The following RAB27B variants were observed in gnomAD, a reference collection of about 807,000 sequenced individuals.
The protein encoded by RAB27B is ras-related protein Rab-27B.
RAB27B carries 15 observed loss-of-function variants against 24.6 expected under a neutral mutation model. The ratio of observed to expected loss-of-function variants is 0.61; its 90% CI spans 0.41 to 0.94. The LOEUF (loss-of-function observed/expected upper bound fraction) is 0.94. Among genes scored for constraint, RAB27B ranks in the 40% least tolerant of loss-of-function variants. The pLI, the probability that RAB27B is intolerant of heterozygous loss-of-function variation, is 0.00. For synonymous variants in RAB27B, 105 were observed against 92.5 expected, an observed-to-expected ratio of 1.14 and a Z score of -0.78; for missense variants, 261 against 266.8, an observed-to-expected ratio of 0.98 and a Z score of 0.15.
intron 1 of RAB27B, among the ~76,000 whole-genome samples, chr18:54,847,862 A>G (rs1004548356): frequency 8.5e-5 from 13 of 152,232 alleles, no homozygotes; most frequent in African/African-American, 2.9e-4. Context: ...AAAGAAAAAA[A>G]AAACTTCAGC....
At chr18:54,804,902 C>CTT (rs1444680181) in intron 2 of RAB27B, among the ~76,000 whole-genome samples, 3 of 23,518 alleles carry the variant, frequency 1.3e-4, no homozygotes, top group African/African-American at 2.4e-4. Flanking sequence ...CTCTTTCTCT[C>CTT]TCTCTTTCTT....
chr18:54,750,704 A>G (rs1907805190), intron 2 of RAB27B, among the ~76,000 whole-genome samples: 1 of 152,210 alleles, frequency 6.6e-6, no homozygotes, highest in Non-Finnish European at 1.5e-5. Context: ...ACCGAATTCA[A>G]GACACTCAGG....
chr18:54,814,517 G>A (rs750430447), intron 2 of RAB27B, among the ~76,000 whole-genome samples: 8 of 152,128 alleles, frequency 5.3e-5, no homozygotes, highest in South Asian at 2.1e-4. Flanking sequence ...TGATCCCACT[G>A]TATCTGAGTA....
chr18:54,813,723 C>T lies in RAB27B; in HGVS notation c.-19-63844C>T, dbSNP rs1910037910. The stretch of plus-strand genomic sequence containing the variant: ...TTACCCAGTCTCTGGTATTCGTTTA[C>T]AGCAACATAAACAGACTAACACAGG... On this transcript the variant is annotated intron_variant, in intron 2 of 4. Coordinates refer to the RAB27B transcript ENST00000586570. Among the ~76,000 whole-genome samples, 3 of 152,172 alleles carry T rather than the reference C, an allele frequency of 2.0e-5. No homozygotes were observed. In the South Asian group the frequency reaches 6.2e-4, roughly 32 times the overall value.
At chr18:54,723,734 G>A (rs1909435781) in intron 2 of RAB27B, among the ~76,000 whole-genome samples, 1 of 152,270 alleles carries the variant, frequency 6.6e-6, no homozygotes, top group Non-Finnish European at 1.5e-5. Context: ...TTCAAGGTAT[G>A]CATCTAGCAG....
At chr18:54,879,729 G>C (rs184951192) in intron 3 of RAB27B, 1 of 301,640 alleles carries the variant, frequency 3.3e-6, no homozygotes, top group African/African-American at 2.1e-5. Flanking sequence ...AGGAAAAAAA[G>C]GTTCTCCAGA....
chr18:54,735,529 A>AC (rs774414572), intron 2 of RAB27B, among the ~76,000 whole-genome samples: 7 of 151,650 alleles, frequency 4.6e-5, no homozygotes, highest in Non-Finnish European at 8.8e-5. Flanking sequence ...TTTTTCTGAC[A>AC]CTTTTTTTTT....
chr18:54,814,760 T>A (rs1015651751), intron 2 of RAB27B, among the ~76,000 whole-genome samples: 2 of 152,226 alleles, frequency 1.3e-5, no homozygotes, highest in Non-Finnish European at 2.9e-5. Context: ...TGAATAGATA[T>A]ATTTCAACAT....
chr18:54,763,232 C>G (rs1051772589), intron 2 of RAB27B, among the ~76,000 whole-genome samples: 1 of 152,060 alleles, frequency 6.6e-6, no homozygotes, highest in Non-Finnish European at 1.5e-5. Context: ...ACATACTGTG[C>G]TGGTATTTTT....
rs753780291 is a variant in RAB27B, at chr18:54,889,307, G to T, written c.551G>T (p.Arg184Leu). Residue 184 changes from arginine to leucine, a missense_variant, in exon 6 of 6, where the codon CGA becomes CTA. By Grantham distance (102) the Arg-to-Leu change is moderately radical (BLOSUM62 -2). Transcript: ENST00000262094. The stretch of plus-strand genomic sequence containing the variant: ...ACCCTTTTGGACTTAATCATGAAGC[G>T]AATGGAACAGTGTGTGGAGAAGACA... ...VETLLDLIMKRMEQCVEKTQI... is the reference protein window; with the variant it reads ...VETLLDLIMKLMEQCVEKTQI... 6.2e-7 allele frequency: 1 copy of T among 1,613,422 alleles called. No individual in the cohort carries two copies. Among genetic ancestry groups the T allele is most frequent in the East Asian group, 2.2e-5 (1 of 44,850 alleles).
rs1217897268 is a variant in RAB27B at position 54,893,052 on chromosome 18, G to A, written c.*3639G>A. 3.3e-5 allele frequency: 5 copies of A among 152,078 alleles called. No homozygotes were observed. Among genetic ancestry groups the A allele is most frequent in the Non-Finnish European group, 7.4e-5 (5 of 67,944 alleles). The allele number at this position is 152,078 out of a possible 1,614,324, so 9.4% of individuals were successfully genotyped here. A position where few individuals can be genotyped will look rare whatever the true frequency, so the allele number is the denominator to read the frequency against. ...ATGAAGCCTGTCTGTCTCTTCACCA[G>A]TGGAGTGAGTGCAGCAGTTAGAAAG... On this transcript the variant is annotated 3_prime_UTR_variant, in exon 6 of 6. Coordinates refer to ENST00000262094, the MANE Select transcript of RAB27B (RefSeq NM_004163.4).
intron 1 of RAB27B, among the ~76,000 whole-genome samples, chr18:54,833,617 T>C (rs1042880242): frequency 4.6e-5 from 7 of 152,190 alleles, no homozygotes; most frequent in Non-Finnish European, 1.0e-4. Flanking sequence ...CAAAGAAAGC[T>C]GAGAAGTTAT....
At position 54,889,769 on chromosome 18, in the gene RAB27B, A is replaced by C. The variant is rs1913293838; in HGVS notation, c.*356A>C. On this transcript the variant is annotated 3_prime_UTR_variant, in exon 6 of 6. Coordinates refer to ENST00000262094, the MANE Select transcript of RAB27B (RefSeq NM_004163.4). The stretch of plus-strand genomic sequence containing the variant: ...TGTCACATTGAAGAAAAGGGTAGGC[A>C]CTAAAGGGAGAACACAGAAAGAAGA... The C allele has an allele frequency of 6.2e-6, 1 of 162,362 alleles. No individual in the cohort carries two copies. Among genetic ancestry groups the C allele is most frequent in the Non-Finnish European group, 1.3e-5 (1 of 75,082 alleles). The allele number at this position is 162,362 out of a possible 1,614,324, so 10.1% of individuals were successfully genotyped here. A position where few individuals can be genotyped will look rare whatever the true frequency, so the allele number is the denominator to read the frequency against.
chr18:54,879,391 A>C lies in RAB27B; in HGVS notation c.176A>C (p.Asn59Thr). The part of the protein sequence containing the change: ...KRVVYNAQGP[N>T]GSSGKAFKVH... ...CAGGTTTATAATGCACAAGGACCGA[A>C]TGGATCTTCAGGGAAAGCATTTAAA... The change falls in exon 3 of 6, where the codon AAT becomes ACT. Residue 59 changes from asparagine to threonine, a missense_variant. By Grantham distance (65) the Asn-to-Thr change is moderately conservative. Transcript: ENST00000262094. The C allele has an allele frequency of 6.2e-7, 1 of 1,612,724 alleles. No homozygotes were observed. The highest frequency in any genetic ancestry group is 8.5e-7 in the Non-Finnish European group (1 of 1,178,834).
intron 2 of RAB27B, among the ~76,000 whole-genome samples, chr18:54,751,121 C>T (rs1474681102): frequency 6.6e-6 from 1 of 152,152 alleles, no homozygotes; most frequent in Non-Finnish European, 1.5e-5. Context: ...ACCTTTTACA[C>T]TCTGGCAGTT....
rs777761597 is a variant in RAB27B at position 54,757,061 on chromosome 18, T to G, written c.-20+38920T>G. ...ACAAATGTTCAGAGATCCATTAGGC[T>G]CAAGGTTGCTGGTCAATGAGAGATG... is the stretch of plus-strand genomic sequence containing the variant. On this transcript the variant is annotated intron_variant, in intron 2 of 4. Coordinates refer to the RAB27B transcript ENST00000586570. Among the ~76,000 whole-genome samples, 88 of 152,292 alleles carry G rather than the reference T, an allele frequency of 5.8e-4. 1 individual carries two copies. The highest frequency in any genetic ancestry group is 9.8e-4 in the Non-Finnish European group (67 of 68,034).
At chr18:54,857,274 CA>C (rs1206431828) in intron 1 of RAB27B, among the ~76,000 whole-genome samples, 3 of 152,156 alleles carry the variant, frequency 2.0e-5, no homozygotes, top group South Asian at 4.1e-4. Flanking sequence ...ACACCTTTTA[CA>C]AAAAACTCTC....
intron 1 of RAB27B, among the ~76,000 whole-genome samples, chr18:54,869,032 T>C (rs1912362665): frequency 6.6e-6 from 1 of 152,222 alleles, no homozygotes; most frequent in East Asian, 1.9e-4. Context: ...AAAGCCTAAA[T>C]TGTTTTAACT....
intron 1 of RAB27B, among the ~76,000 whole-genome samples, chr18:54,838,540 G>C (rs923383209): frequency 6.6e-6 from 1 of 152,066 alleles, no homozygotes; most frequent in Non-Finnish European, 1.5e-5. Flanking sequence ...ATGCCTACTT[G>C]TTCGATTGAG....
Sources: allele counts gnomAD v4.1 joint callset (sites outside exome capture counted in the v4.1 genomes callset), GRCh38; gene constraint gnomAD v4.1.1; transcripts MANE v1.5; gene names NCBI Gene and HGNC (gene_info 2026-07-23, HGNC 2026-07-21).